The following CWC27 variants were observed in gnomAD, a reference collection of about 807,000 sequenced individuals.
CWC27 encodes the protein spliceosome-associated protein CWC27 homolog.
In CWC27, 47 loss-of-function variants were observed where a neutral mutation model predicts 63.6. The observed-to-expected ratio is 0.74, with a 90% CI of 0.58 to 0.94. The LOEUF (loss-of-function observed/expected upper bound fraction) is 0.94. CWC27 is among the 40% of genes least tolerant of loss of function. The pLI is 0.00. For missense variants in CWC27, 495 were observed against 554.3 expected (o/e 0.89, Z 1.07); for synonymous variants, 175 against 179.8 (o/e 0.97, Z 0.22).
intron 11 of CWC27, among the ~76,000 whole-genome samples, chr5:64,920,529 A>G (rs949116980): frequency 4.6e-5 from 7 of 152,098 alleles, no homozygotes; most frequent in Non-Finnish European, 8.8e-5. Context: ...ATTTTTGGAA[A>G]AGGTACTAGC....
intron 10 of CWC27, among the ~76,000 whole-genome samples, chr5:64,832,858 C>T (rs1025538089): frequency 1.1e-4 from 17 of 151,668 alleles, no homozygotes; most frequent in Admixed American, 3.3e-4. Context: ...ACCTCATAGA[C>T]GCTCTTGAAA....
intron 11 of CWC27, among the ~76,000 whole-genome samples, chr5:64,968,122 C>A (rs1749051671): frequency 6.6e-6 from 1 of 151,658 alleles, no homozygotes; most frequent in African/African-American, 2.4e-5. Context: ...CATAAATGGC[C>A]AACAAGCACA....
chr5:65,015,064 C>T (rs1750027315), intron 13 of CWC27, among the ~76,000 whole-genome samples: 2 of 152,122 alleles, frequency 1.3e-5, no homozygotes, highest in African/African-American at 4.8e-5. Flanking sequence ...CTTTAACTCA[C>T]GGCTCTCTGC....
At chr5:64,962,916 G>A (rs1480218584) in intron 11 of CWC27, among the ~76,000 whole-genome samples, 1 of 152,076 alleles carries the variant, frequency 6.6e-6, no homozygotes, top group Non-Finnish European at 1.5e-5. Context: ...CAATCCCCAA[G>A]AACAATCTGA....
chr5:64,816,493 G>GAAGA (rs1161354925), intron 10 of CWC27, among the ~76,000 whole-genome samples: 1 of 152,104 alleles, frequency 6.6e-6, no homozygotes, highest in African/African-American at 2.4e-5. Context: ...TTAAAGGAAG[G>GAAGA]AAGAAAGAAG....
intron 2 of CWC27, among the ~76,000 whole-genome samples, chr5:64,777,714 T>A (rs1314716276): frequency 6.6e-6 from 1 of 152,036 alleles, no homozygotes; most frequent in East Asian, 1.9e-4. Context: ...ATAAAGCTTT[T>A]TCAAAACACT....
Position 64,902,059 on chromosome 5 carries a change from A to G in CWC27, c.1042+16513A>G, listed in dbSNP as rs547181009. Among the ~76,000 whole-genome samples, 4 of 152,308 alleles carry G rather than the reference A, an allele frequency of 2.6e-5. No homozygotes were observed. The South Asian group carries it at 8.3e-4, about 32-fold the overall frequency. On this transcript the variant is annotated intron_variant, in intron 11 of 13. Coordinates refer to ENST00000381070, the MANE Select transcript of CWC27 (RefSeq NM_005869.4). ...GAATACCTCCATACGGACCTGTCTG[A>G]GGCTATTTTACAATTAAAATTTTCT... is the stretch of plus-strand genomic sequence containing the variant.
chr5:64,878,634 A>G (rs1746857463), intron 10 of CWC27, among the ~76,000 whole-genome samples: 2 of 151,886 alleles, frequency 1.3e-5, no homozygotes, highest in East Asian at 3.9e-4. Flanking sequence ...TTCCAAAGCT[A>G]TACTCAAGTG....
At chr5:64,792,248 A>G (rs1363866983) in intron 7 of CWC27, among the ~76,000 whole-genome samples, 1 of 152,112 alleles carries the variant, frequency 6.6e-6, no homozygotes, top group East Asian at 1.9e-4. Flanking sequence ...CCTAGGCCTT[A>G]TCTGAGACCC....
At chr5:64,821,655 C>G (rs926119144) in intron 10 of CWC27, among the ~76,000 whole-genome samples, 5 of 152,166 alleles carry the variant, frequency 3.3e-5, no homozygotes, top group African/African-American at 9.7e-5. Context: ...TGAAGCTGCT[C>G]TCTTTACCAT....
chr5:64,846,416 A>G (rs536088735), intron 10 of CWC27, among the ~76,000 whole-genome samples: 3 of 152,368 alleles, frequency 2.0e-5, no homozygotes, highest in East Asian at 1.9e-4. Flanking sequence ...ATGAAAAAGT[A>G]TAGAATTGTT....
intron 11 of CWC27, among the ~76,000 whole-genome samples, chr5:64,889,735 C>T (rs1747178248): frequency 6.6e-6 from 1 of 152,046 alleles, no homozygotes. Flanking sequence ...TTTAGGTAAA[C>T]AAAAAATGTG....
intron 12 of CWC27, among the ~76,000 whole-genome samples, chr5:64,973,526 A>T (rs1749164421): frequency 6.6e-6 from 1 of 152,350 alleles, no homozygotes; most frequent in African/African-American, 2.4e-5. Context: ...GAAAAGCCAT[A>T]ACTGAATAAT....
chr5:64,793,206 G>C (rs1744138833), intron 7 of CWC27, among the ~76,000 whole-genome samples: 1 of 152,106 alleles, frequency 6.6e-6, no homozygotes, highest in South Asian at 2.1e-4. Flanking sequence ...TTGAGTCCTA[G>C]ATAGTGGCTT....
chr5:64,805,306 C>A (rs1414630691), intron 10 of CWC27, among the ~76,000 whole-genome samples: 2 of 150,926 alleles, frequency 1.3e-5, no homozygotes, highest in Admixed American at 1.3e-4. Context: ...TGTCTTTTTT[C>A]CAGCAATATT....
chr5:64,989,622 T>C lies in CWC27; in HGVS notation c.1256+12384T>C, dbSNP rs558145576. On this transcript the variant is annotated intron_variant, in intron 13 of 13. Coordinates refer to ENST00000381070, the MANE Select transcript of CWC27 (RefSeq NM_005869.4). The stretch of plus-strand genomic sequence containing the variant: ...CTTGAGATAAGAAGAAAGGGAGGGA[T>C]TGGTATTGAGAGGTGCAGTGGTTGA... 5.3e-5 allele frequency among the ~76,000 whole-genome samples: 8 copies of C among 152,184 alleles called. No homozygotes were observed. The South Asian group carries it at 1.7e-3, about 32-fold the overall frequency.
chr5:64,856,312 C>T (rs1013650159), intron 10 of CWC27, among the ~76,000 whole-genome samples: 1 of 151,778 alleles, frequency 6.6e-6, no homozygotes, highest in Non-Finnish European at 1.5e-5. Flanking sequence ...TGAATAGTTT[C>T]CCTAGTTAGG....
chr5:65,013,895 G>GACT (rs1750006705), intron 13 of CWC27, among the ~76,000 whole-genome samples: 1 of 151,972 alleles, frequency 6.6e-6, no homozygotes, highest in Non-Finnish European at 1.5e-5. Flanking sequence ...GCTAATGTTG[G>GACT]AATTCTATAT....
rs13187231 is a variant in CWC27, at chr5:64,895,756, G to T, written c.1042+10210G>T. On this transcript the variant is annotated intron_variant, in intron 11 of 13. Coordinates refer to ENST00000381070, the MANE Select transcript of CWC27 (RefSeq NM_005869.4). ...AAAGAACACGTGATTTAAAAACAAA[G>T]AAGATATAGAAATGAAAAATATAAT... is the stretch of plus-strand genomic sequence containing the variant. 5.5e-3 allele frequency among the ~76,000 whole-genome samples: 829 copies of T among 152,010 alleles called. 7 individuals carry two copies. The highest frequency in any genetic ancestry group is 9.3e-3 in the Non-Finnish European group (635 of 67,980).
Sources: allele counts gnomAD v4.1 joint callset (sites outside exome capture counted in the v4.1 genomes callset), GRCh38; gene constraint gnomAD v4.1.1; transcripts MANE v1.5; gene names NCBI Gene and HGNC (gene_info 2026-07-23, HGNC 2026-07-21).